Variants in WBP4 observed in about 807,000 individuals in gnomAD.
WBP4 encodes WW domain binding protein 4, also known as WW domain-binding protein 4.
WBP4 carries 37 observed loss-of-function variants against 55.4 expected under a neutral mutation model. That is an observed-to-expected ratio of 0.67 (90% CI 0.51 to 0.88). The LOEUF is 0.88. Among genes scored for constraint, WBP4 ranks in the 40% least tolerant of loss-of-function variants. The pLI is 0.00. For synonymous variants in WBP4, 142 were observed against 140.2 expected (o/e 1.01, Z -0.09); for missense variants, 398 against 420.8 (o/e 0.95, Z 0.47).
At chr13:41,072,584 T>C (rs143255307) in intron 6 of WBP4, among the ~76,000 whole-genome samples, 198 bp from the exon 7 acceptor site, 225 of 152,314 alleles carry the variant, frequency 1.5e-3, no homozygotes, top group Non-Finnish European at 2.6e-3. Context: ...AAACCACCCC[T>C]GTGATGCAGT....
At chr13:41,079,043 T>C (rs60223575) in intron 8 of WBP4, among the ~76,000 whole-genome samples, 36,329 of 151,928 alleles carry the variant, frequency 0.24, 4,912 homozygotes, top group South Asian at 0.4. Flanking sequence ...TGGGAAAAAC[T>C]GTTTGCAAAC....
At chr13:41,073,857 G>A (rs1448549697) in intron 7 of WBP4, among the ~76,000 whole-genome samples, 1 of 151,486 alleles carries the variant, frequency 6.6e-6, no homozygotes, top group Non-Finnish European at 1.5e-5. Flanking sequence ...TAACAAATTA[G>A]TAAAAGTGAA....
intron 1 of WBP4, chr13:41,062,110 T>TG (rs1252521912): frequency 1.7e-5 from 16 of 967,780 alleles, no homozygotes; most frequent in Admixed American, 6.7e-5. Flanking sequence ...TTTTTTTTTT[T>TG]TTTTTTTTTT....
chr13:41,072,353 C>T (rs776868149), intron 6 of WBP4, among the ~76,000 whole-genome samples: 1 of 152,194 alleles, frequency 6.6e-6, no homozygotes, highest in African/African-American at 2.4e-5. Flanking sequence ...AATTGACTCA[C>T]AGTTATGCAG....
intron 9 of WBP4, among the ~76,000 whole-genome samples, chr13:41,081,678 G>C (rs1046330428): frequency 1.3e-5 from 2 of 151,774 alleles, no homozygotes; most frequent in African/African-American, 4.8e-5. Flanking sequence ...GGCAGGTGCA[G>C]TGGCCCACGC....
intron 9 of WBP4, among the ~76,000 whole-genome samples, chr13:41,081,900 G>A (rs1384894484): frequency 2.0e-5 from 3 of 152,312 alleles, no homozygotes; most frequent in Non-Finnish European, 4.4e-5. Context: ...CAGGTTTTAC[G>A]CTCTCAGCTA....
At chr13:41,074,770 G>A (rs987805266) in intron 7 of WBP4, among the ~76,000 whole-genome samples, 89 of 152,234 alleles carry the variant, frequency 5.8e-4, no homozygotes, top group African/African-American at 2.0e-3. Context: ...TGAGGCAGGC[G>A]GATCACTTGA....
chr13:41,076,304 G>A, intron 8 of WBP4, 67 bp downstream of exon 8: 1 of 1,146,208 alleles, frequency 8.7e-7, no homozygotes. Flanking sequence ...TTTTGAGATG[G>A]AGTCTTGTTC....
chr13:41,069,079 A>G (rs1253232229), intron 5 of WBP4, among the ~76,000 whole-genome samples: 1 of 152,226 alleles, frequency 6.6e-6, no homozygotes, highest in African/African-American at 2.4e-5. Flanking sequence ...CACAAATTGT[A>G]GGGGTACTTG....
In WBP4 at chr13:41,068,861, T is replaced by C. The variant is rs1266138973; in HGVS notation, c.439+124T>C. 3 of 1,096,384 alleles carry C rather than the reference T, an allele frequency of 2.7e-6. No individual in the cohort carries two copies. In the African/African-American group the frequency reaches 4.9e-5, roughly 18 times the overall value. 67.9% of individuals were successfully genotyped at this position (1,096,384 alleles called of 1,614,324 possible). ...TAAATAGTGAAAGACCGGTTTTTCA[T>C]TTTTGCCCCAAAGGTAAGAAAACTG... On this transcript the variant is annotated intron_variant, in intron 5 of 9. Transcript: ENST00000379487.
intron 6 of WBP4, among the ~76,000 whole-genome samples, chr13:41,072,497 T>G (rs1464547512): frequency 6.6e-6 from 1 of 152,210 alleles, no homozygotes; most frequent in Non-Finnish European, 1.5e-5. Context: ...CACACACTTT[T>G]CAATGACCAG....
At chr13:41,066,826 T>C (rs966588444) in intron 4 of WBP4, among the ~76,000 whole-genome samples, 1 of 152,208 alleles carries the variant, frequency 6.6e-6, no homozygotes, top group African/African-American at 2.4e-5. Flanking sequence ...AGGTTCAGTT[T>C]CTGGAAGTTA....
chr13:41,070,295 A>G (rs553270628), intron 5 of WBP4, among the ~76,000 whole-genome samples: 1 of 152,316 alleles, frequency 6.6e-6, no homozygotes, highest in East Asian at 1.9e-4. Context: ...TGCCTAGCAC[A>G]GTGTAGACAC....
At chr13:41,072,882 A>T in intron 7 of WBP4, 25 bp downstream of exon 7, 1 of 1,586,524 alleles carries the variant, frequency 6.3e-7, no homozygotes, top group South Asian at 1.1e-5. Flanking sequence ...TGATTATCTT[A>T]ACTGTTTAAA....
At position 41,083,526 on chromosome 13, in the gene WBP4, G is replaced by C. The variant is rs1251993639; in HGVS notation, c.*612G>C. 6.6e-6 allele frequency: 1 copy of C among 152,344 alleles called. No homozygotes were observed. The highest frequency in any genetic ancestry group is 2.4e-5 in the African/African-American group (1 of 41,460). 9.4% of individuals were successfully genotyped at this position (152,344 alleles called of 1,614,324 possible). On this transcript the variant is annotated 3_prime_UTR_variant, in exon 10 of 10. Transcript: ENST00000379487. The stretch of plus-strand genomic sequence containing the variant: ...ATTTGCCCCAGTTCACTTCAAAGCA[G>C]CAAACGTTGTTTAAGCATTTTAGTT...
intron 4 of WBP4, among the ~76,000 whole-genome samples, chr13:41,065,688 G>A (rs140281263): frequency 2.6e-5 from 4 of 152,288 alleles, no homozygotes. Flanking sequence ...TATGAGTCTT[G>A]TATATTTATA....
intron 9 of WBP4, among the ~76,000 whole-genome samples, chr13:41,081,498 C>CAAAAA (rs555764002): frequency 6.5e-4 from 53 of 81,148 alleles, no homozygotes; most frequent in African/African-American, 2.5e-3. Flanking sequence ...ACCTTGTCTC[C>CAAAAA]AAAAAAAAAA....
chr13:41,066,786 A>G (rs1314313239), intron 4 of WBP4, among the ~76,000 whole-genome samples: 1 of 72,090 alleles, frequency 1.4e-5, no homozygotes, highest in East Asian at 2.3e-4. Flanking sequence ...ATCTTTATGC[A>G]TGTATCTTTT....
intron 4 of WBP4, among the ~76,000 whole-genome samples, chr13:41,066,540 G>A (rs1221962854): frequency 6.6e-6 from 1 of 152,042 alleles, no homozygotes; most frequent in East Asian, 1.9e-4. Context: ...TTATATGGTA[G>A]GAGCAGACTT....
Sources: gnomAD v4.1 joint callset for allele counts (sites outside exome capture counted in the v4.1 genomes callset) on GRCh38, gnomAD v4.1.1 for gene constraint, MANE v1.5 for transcripts, NCBI Gene and HGNC (gene_info 2026-07-23, HGNC 2026-07-21) for gene names.